Variants in HSPA2 observed in about 807,000 individuals in gnomAD.
HSPA2 encodes the protein heat shock protein family A (Hsp70) member 2, also known as heat shock-related 70 kDa protein 2.
Under a neutral mutation model 35.0 loss-of-function variants are expected in HSPA2, and 13 were observed. The ratio of observed to expected loss-of-function variants is 0.37; its 90% CI spans 0.24 to 0.59. The LOEUF (loss-of-function observed/expected upper bound fraction) is 0.59, where lower values mean the gene tolerates loss of function less well. Among genes scored for constraint, HSPA2 ranks in the 20% least tolerant of loss-of-function variants. The pLI is 0.70. For missense variants in HSPA2, 565 were observed against 885.4 expected, an observed-to-expected ratio of 0.64 and a Z score of 4.59; for synonymous variants, 368 against 382.1, an observed-to-expected ratio of 0.96 and a Z score of 0.43.
chr14:64,542,189 AG>A lies in HSPA2; in HGVS notation c.1343del (p.Gly448AlafsTer5). On this transcript the variant is annotated frameshift_variant, in exon 1 of 1. Transcript: ENST00000247207. LOFTEE classifies it high-confidence loss of function. This position sits in a 1 kb window ranked among gnomAD's most constrained non-coding sequence, Gnocchi z 5.7. ...AGCAGCGTACTGGTGCAGGTATACG[AG>A]GGCGAACGGGCCATGACCAAGGACA... ...NQSSVLVQVY[E>X]GERAMTKDNN... 6.2e-7 allele frequency: 1 copy of A among 1,613,864 alleles called. No homozygotes were observed. Among genetic ancestry groups the A allele is most frequent in the Non-Finnish European group, 8.5e-7 (1 of 1,180,016 alleles).
In HSPA2 at chr14:64,542,709, C is replaced by A; in HGVS notation, c.1860C>A (p.Gly620=). 1 of 1,613,852 alleles carries A rather than the reference C, an allele frequency of 6.2e-7. No individual in the cohort carries two copies. The highest frequency in any genetic ancestry group is 1.1e-5 in the South Asian group (1 of 91,066). Residue 620 remains glycine, a synonymous_variant, in exon 1 of 1, where the codon GGC becomes GGA. Transcript: ENST00000247207. The surrounding 1 kb of genome is among the most constrained non-coding windows in gnomAD (Gnocchi z 5.7). ...AACTTTACCAAGGTGGTCCTGGCGG[C>A]GGCAGCGGCGGCGGCGGTTCAGGAG... ...ISKLYQGGPG[G]GSGGGGSGAS... is the part of the protein sequence containing the mutation.
At position 64,542,280 on chromosome 14, in the gene HSPA2, C is replaced by A. The variant is rs1031515588; in HGVS notation, c.1431C>A (p.Ile477=). The change falls in exon 1 of 1, where the codon ATC becomes ATA. Residue 477 remains isoleucine (I), a synonymous_variant. Transcript: ENST00000247207. This position sits in a 1 kb window ranked among gnomAD's most constrained non-coding sequence, Gnocchi z 5.7. ...IPPAPRGVPQ[I]EVTFDIDANG... ...CTGCGCCTCGCGGGGTCCCCCAAAT[C>A]GAGGTTACCTTCGACATTGACGCCA... is the stretch of plus-strand genomic sequence containing the variant. 1 of 1,613,908 alleles carries A rather than the reference C, an allele frequency of 6.2e-7. No homozygotes were observed. The highest frequency in any genetic ancestry group is 8.5e-7 in the Non-Finnish European group (1 of 1,180,030).
upstream of HSPA2, chr14:64,540,518 G>T (rs891405586): frequency 1.2e-5 from 4 of 334,884 alleles, no homozygotes; most frequent in Non-Finnish European, 2.2e-5. Flanking sequence ...CGAGAGTCAG[G>T]GAGGAACCTC....
Position 64,540,776 on chromosome 14 carries a change from G to C in HSPA2, c.-74G>C, listed in dbSNP as rs1172858083. 6.4e-7 allele frequency: 1 copy of C among 1,574,024 alleles called. No homozygotes were observed. The highest frequency in any genetic ancestry group is 8.6e-7 in the Non-Finnish European group (1 of 1,159,290). ...TAGTGCCCGTGGTGCTTGGTTCGAG[G>C]TGGCCGTTAGTTGACTCCGCGGAGT... is the stretch of plus-strand genomic sequence containing the variant. On this transcript the variant is annotated 5_prime_UTR_variant, in exon 1 of 1. Transcript: ENST00000247207.
At position 64,540,877 on chromosome 14, in the gene HSPA2, A is replaced by G. The variant is rs142961470; in HGVS notation, c.28A>G (p.Ile10Val). The G allele has an allele frequency of 1.9e-6, 3 of 1,614,004 alleles. No individual in the cohort carries two copies. The highest frequency in any genetic ancestry group is 2.5e-6 in the Non-Finnish European group (3 of 1,180,040). ...GTCTGCCCGTGGCCCGGCTATCGGC[A>G]TCGACCTGGGCACCACCTATTCGTG... Reference protein sequence around the residue: MSARGPAIGIDLGTTYSCVG... With the variant: MSARGPAIGVDLGTTYSCVG... Residue 10 changes from isoleucine to valine, a missense_variant, in exon 1 of 1, where the codon ATC (isoleucine) becomes GTC (valine). Physicochemically the swap from Ile to Val is conservative, Grantham distance 29. Coordinates refer to ENST00000247207, the MANE Select transcript of HSPA2 (RefSeq NM_021979.4).
chr14:64,541,034 T>C lies in HSPA2; in HGVS notation c.185T>C (p.Met62Thr). The C allele has an allele frequency of 6.2e-7, 1 of 1,614,132 alleles. No individual in the cohort carries two copies. The highest frequency in any genetic ancestry group is 8.5e-7 in the Non-Finnish European group (1 of 1,180,026). ...IGDAAKNQVA[M>T]NPTNTIFDAK... The stretch of plus-strand genomic sequence containing the variant: ...GACGCCGCCAAGAACCAGGTGGCCA[T>C]GAACCCCACCAACACCATCTTCGAC... The change falls in exon 1 of 1, where the codon ATG becomes ACG. Residue 62 changes from methionine (M) to threonine (T), a missense_variant. Met to Thr is a moderately conservative substitution (Grantham distance 81, BLOSUM62 -1). Coordinates refer to ENST00000247207, the MANE Select transcript of HSPA2 (RefSeq NM_021979.4).
upstream of HSPA2, among the ~76,000 whole-genome samples, chr14:64,539,055 C>G (rs988956950): frequency 1.3e-5 from 2 of 152,186 alleles, no homozygotes; most frequent in Non-Finnish European, 2.9e-5. Flanking sequence ...ATCCACCTAC[C>G]GCGGCCTTTC....
upstream of HSPA2, among the ~76,000 whole-genome samples, chr14:64,537,108 A>C (rs554587700): frequency 1.5e-4 from 23 of 152,312 alleles, no homozygotes; most frequent in South Asian, 4.6e-3. Flanking sequence ...GACTGAATGC[A>C]AGAGATTTAA....
upstream of HSPA2, chr14:64,540,632 C>A (rs926108873): frequency 7.4e-6 from 5 of 679,708 alleles, no homozygotes; most frequent in Admixed American, 8.9e-5. Context: ...CCGACCTAGG[C>A]AAGCCTGTGG....
rs1185752847 is a variant in HSPA2, at chr14:64,542,306, A to G, written c.1457A>G (p.Asn486Ser). 5 of 1,614,038 alleles carry G rather than the reference A, an allele frequency of 3.1e-6. No individual in the cohort carries two copies. Among genetic ancestry groups the G allele is most frequent in the Non-Finnish European group, 4.2e-6 (5 of 1,180,016 alleles). Residue 486 changes from asparagine (N) to serine (S), a missense_variant, in exon 1 of 1, where the codon AAT becomes AGT. By Grantham distance (46) the Asn-to-Ser change is conservative. Transcript: ENST00000247207. The surrounding 1 kb of genome is among the most constrained non-coding windows in gnomAD (Gnocchi z 5.7). ...QIEVTFDIDA[N>S]GILNVTAADK... is the part of the protein sequence containing the mutation. ...GAGGTTACCTTCGACATTGACGCCA[A>G]TGGCATCCTTAACGTTACCGCCGCC... is the stretch of plus-strand genomic sequence containing the variant.
In HSPA2 at chr14:64,541,731, G is replaced by A. The variant is rs1314568221; in HGVS notation, c.882G>A (p.Val294=). ...SIEIDSLYEG[V]DFYTSITRAR... ...AGATCGACTCGCTCTACGAGGGCGT[G>A]GACTTCTATACGTCCATCACGCGCG... The change falls in exon 1 of 1, where the codon GTG becomes GTA. Residue 294 remains valine, a synonymous_variant. Coordinates refer to ENST00000247207, the MANE Select transcript of HSPA2 (RefSeq NM_021979.4). 6.2e-7 allele frequency: 1 copy of A among 1,612,020 alleles called. No homozygotes were observed. The highest frequency in any genetic ancestry group is 8.5e-7 in the Non-Finnish European group (1 of 1,179,542).
upstream of HSPA2, among the ~76,000 whole-genome samples, chr14:64,537,401 G>A (rs2079987514): frequency 6.6e-6 from 1 of 152,090 alleles, no homozygotes; most frequent in Admixed American, 6.5e-5. Context: ...AGAACAGCCT[G>A]GCAAACATGG....
Position 64,542,633 on chromosome 14 carries a change from A to G in HSPA2, c.1784A>G (p.Tyr595Cys). Reference protein sequence around the residue: ...DRNQMAEKDEYEHKQKELERV... With the variant: ...DRNQMAEKDECEHKQKELERV... ...AACCAGATGGCAGAGAAAGATGAGT[A>G]TGAACACAAGCAGAAAGAGCTCGAA... is the stretch of plus-strand genomic sequence containing the variant. The change falls in exon 1 of 1, where the codon TAT becomes TGT. Residue 595 changes from tyrosine (Y) to cysteine (C), a missense_variant. Around this residue, in one of 4 missense-constraint regions of HSPA2, gnomAD observed 147 missense variants for 166.7 expected, o/e 0.88. Coordinates refer to ENST00000247207, the MANE Select transcript of HSPA2 (RefSeq NM_021979.4). This position sits in a 1 kb window ranked among gnomAD's most constrained non-coding sequence, Gnocchi z 5.7. 6.2e-7 allele frequency: 1 copy of G among 1,614,016 alleles called. No individual in the cohort carries two copies. The highest frequency in any genetic ancestry group is 8.5e-7 in the Non-Finnish European group (1 of 1,180,012).
rs1037207680 is a variant in HSPA2 at position 64,542,514 on chromosome 14, G to T, written c.1665G>T (p.Thr555=). Reference sequence around the variant, plus strand: ...CCTATACCTACAACATCAAGCAGACGGTGGAAGACGAGAAACTGAGGGGCA... The same window carrying T: ...CCTATACCTACAACATCAAGCAGACTGTGGAAGACGAGAAACTGAGGGGCA... ...LESYTYNIKQ[T]VEDEKLRGKI... The change falls in exon 1 of 1, where the codon ACG becomes ACT. Residue 555 remains threonine (T), a synonymous_variant. Transcript: ENST00000247207. The surrounding 1 kb of genome is among the most constrained non-coding windows in gnomAD (Gnocchi z 5.7). 5.0e-6 allele frequency: 8 copies of T among 1,613,258 alleles called. No individual in the cohort carries two copies. In the Admixed American group the frequency reaches 1.0e-4, roughly 20 times the overall value.
At position 64,542,025 on chromosome 14, in the gene HSPA2, G is replaced by A. The variant is rs1276129480; in HGVS notation, c.1176G>A (p.Gln392=). ...ILIGDKSENV[Q]DLLLLDVTPL... ...TCGGCGACAAATCAGAGAATGTGCA[G>A]GACCTGCTGCTACTCGACGTGACCC... The change falls in exon 1 of 1, where the codon CAG becomes CAA. Residue 392 remains glutamine (Q), a synonymous_variant. Coordinates refer to ENST00000247207, the MANE Select transcript of HSPA2 (RefSeq NM_021979.4). This position sits in a 1 kb window ranked among gnomAD's most constrained non-coding sequence, Gnocchi z 5.7. 3 of 1,613,656 alleles carry A rather than the reference G, an allele frequency of 1.9e-6. No homozygotes were observed. The highest frequency in any genetic ancestry group is 1.1e-5 in the South Asian group (1 of 91,090).
chr14:64,543,086 G>T lies in HSPA2; in HGVS notation c.*317G>T, dbSNP rs1334099710. The T allele has an allele frequency of 2.4e-6, 1 of 422,282 alleles. No homozygotes were observed. The highest frequency in any genetic ancestry group is 2.1e-5 in the African/African-American group (1 of 48,238). The allele number at this position is 422,282 out of a possible 1,614,324, so 26.2% of individuals were successfully genotyped here. A position where few individuals can be genotyped will look rare whatever the true frequency, so the allele number is the denominator to read the frequency against. ...TGCACACCTGTTCTGTAGAAGCTTGGAAACAGTAAAATATATAGGAGCTTA... is the reference window on the plus strand; with the variant it reads ...TGCACACCTGTTCTGTAGAAGCTTGTAAACAGTAAAATATATAGGAGCTTA... On this transcript the variant is annotated 3_prime_UTR_variant, in exon 1 of 1. Transcript: ENST00000247207.
chr14:64,537,280 G>A (rs2079986779), upstream of HSPA2, among the ~76,000 whole-genome samples: 1 of 151,186 alleles, frequency 6.6e-6, no homozygotes, highest in South Asian at 2.1e-4. Context: ...GAAAAAGAAG[G>A]AAAGAAAGAA....
At position 64,542,615 on chromosome 14, in the gene HSPA2, T is replaced by C. The variant is rs762547744; in HGVS notation, c.1766T>C (p.Met589Thr). ...EVINWLDRNQ[M>T]AEKDEYEHKQ... ...ATCAACTGGCTCGACCGAAACCAGA[T>C]GGCAGAGAAAGATGAGTATGAACAC... The change falls in exon 1 of 1, where the codon ATG (methionine) becomes ACG (threonine). Residue 589 changes from methionine (M) to threonine (T), a missense_variant. Around this residue, in one of 4 missense-constraint regions of HSPA2, gnomAD observed 147 missense variants for 166.7 expected, o/e 0.88. Transcript: ENST00000247207. The surrounding 1 kb of genome is among the most constrained non-coding windows in gnomAD (Gnocchi z 5.7). 1 of 1,613,752 alleles carries C rather than the reference T, an allele frequency of 6.2e-7. No homozygotes were observed. Among genetic ancestry groups the C allele is most frequent in the Non-Finnish European group, 8.5e-7 (1 of 1,179,980 alleles).
upstream of HSPA2, chr14:64,540,716 A>G (rs2080020687): frequency 2.2e-6 from 3 of 1,369,032 alleles, no homozygotes; most frequent in Admixed American, 5.1e-5. Flanking sequence ...CGGCTATAAG[A>G]ACCGGGAACT....
Sources: gnomAD v4.1 joint callset for allele counts (sites outside exome capture counted in the v4.1 genomes callset) on GRCh38, gnomAD v4.1.1 for gene constraint, gnomAD v4.1.1 regional missense constraint, Gnocchi (gnomAD v3.1) non-coding constraint, MANE v1.5 for transcripts, NCBI Gene and HGNC (gene_info 2026-07-23, HGNC 2026-07-21) for gene names.